The following RANBP2 variants were observed in gnomAD, a reference collection of about 807,000 sequenced individuals.
RANBP2 encodes E3 SUMO-protein ligase RanBP2.
RANBP2 carries 57 observed loss-of-function variants against 303.6 expected under a neutral mutation model. The ratio of observed to expected loss-of-function variants is 0.19; its 90% confidence interval spans 0.15 to 0.23. RANBP2 has a LOEUF of 0.23. Among genes scored for constraint, RANBP2 ranks in the 10% least tolerant of loss-of-function variants. The probability of loss-of-function intolerance (pLI) is 1.00; values close to 1 mark genes in which losing one functional copy is unlikely to be tolerated. For synonymous variants in RANBP2, 1,167 were observed against 1,301.5 expected (o/e 0.90, Z 2.23); for missense variants, 3,138 against 3,780.8 (o/e 0.83, Z 4.46).
At chr2:109,187,277 G>C in the RANBP2 span, among the ~76,000 whole-genome samples, 1 of 151,982 alleles carries the variant, frequency 6.6e-6, no homozygotes, top group African/African-American at 2.4e-5. Context: ...AAAACTCTTC[G>C]ATCTGATGTG....
chr2:108,971,099 C>G, the RANBP2 span, among the ~76,000 whole-genome samples: 47 of 152,244 alleles, frequency 3.1e-4, no homozygotes, highest in East Asian at 8.5e-3. Context: ...TTCTTCACCC[C>G]CTCCGACTCA....
At chr2:109,369,410 C>T in the RANBP2 span, among the ~76,000 whole-genome samples, 5 of 152,198 alleles carry the variant, frequency 3.3e-5, no homozygotes, top group South Asian at 2.1e-4. Context: ...GCTGGAGGGA[C>T]GCTCTGCTAA....
At chr2:108,904,230 T>C in the RANBP2 span, among the ~76,000 whole-genome samples, 1 of 151,816 alleles carries the variant, frequency 6.6e-6, no homozygotes, top group Non-Finnish European at 1.5e-5. Context: ...ATTTAAACAA[T>C]AGGAACATGC....
chr2:109,494,159 C>T, the RANBP2 span, among the ~76,000 whole-genome samples: 591 of 152,292 alleles, frequency 3.9e-3, 8 homozygotes, highest in African/African-American at 0.014. Context: ...CTTCCAGACA[C>T]CTCAATAAAA....
At chr2:109,114,055 T>G in the RANBP2 span, among the ~76,000 whole-genome samples, 2 of 152,210 alleles carry the variant, frequency 1.3e-5, no homozygotes, top group East Asian at 3.8e-4. Context: ...TATTGAGGAT[T>G]TTTGCATCAA....
At chr2:108,940,326 T>G in the RANBP2 span, 8 of 152,324 alleles carry the variant, frequency 5.3e-5, no homozygotes, top group African/African-American at 1.9e-4. Flanking sequence ...GCTCGGATGG[T>G]CTGAAGGGGA....
chr2:109,613,381 G>C, the RANBP2 span: 2 of 328,764 alleles, frequency 6.1e-6, no homozygotes, highest in African/African-American at 4.3e-5. Context: ...CAGGGGAGCC[G>C]GGCTTTCTCC....
chr2:108,857,536 A>G, the RANBP2 span, among the ~76,000 whole-genome samples: 1 of 152,168 alleles, frequency 6.6e-6, no homozygotes, highest in Non-Finnish European at 1.5e-5. Context: ...TGTTCTACCA[A>G]AGCACTGTAA....
the RANBP2 span, among the ~76,000 whole-genome samples, chr2:109,629,828 T>C: frequency 6.6e-6 from 1 of 151,040 alleles, no homozygotes; most frequent in Non-Finnish European, 1.5e-5. Flanking sequence ...AAAGAAAACG[T>C]GTATGAGTAT....
the RANBP2 span, among the ~76,000 whole-genome samples, chr2:109,223,376 T>A: frequency 6.6e-6 from 1 of 151,892 alleles, no homozygotes; most frequent in Admixed American, 6.6e-5. Flanking sequence ...GAAGCAGGAG[T>A]GGCCACTAGG....
the RANBP2 span, among the ~76,000 whole-genome samples, chr2:109,212,154 T>G: frequency 6.6e-6 from 1 of 152,146 alleles, no homozygotes; most frequent in African/African-American, 2.4e-5. Flanking sequence ...TGGCTGTGGT[T>G]TTGTTTGGCT....
the RANBP2 span, among the ~76,000 whole-genome samples, chr2:109,048,383 T>A: frequency 2.0e-5 from 3 of 152,326 alleles, no homozygotes; most frequent in East Asian, 5.8e-4. Flanking sequence ...TTTGATGCTA[T>A]CCTGGAAAAT....
the RANBP2 span, among the ~76,000 whole-genome samples, chr2:108,988,331 TCTAGGAGCCCAA>T: frequency 6.6e-6 from 1 of 152,098 alleles, no homozygotes; most frequent in Non-Finnish European, 1.5e-5. Context: ...CCGACTCCTG[TCTAGGAGCCCAA>T]CCCACCCCAC....
the RANBP2 span, among the ~76,000 whole-genome samples, chr2:109,375,279 C>A: frequency 6.6e-6 from 1 of 152,342 alleles, no homozygotes; most frequent in African/African-American, 2.4e-5. Context: ...CCTCCTTGTC[C>A]TTTTCGCCCA....
chr2:109,149,063 G>T, the RANBP2 span, among the ~76,000 whole-genome samples: 2 of 152,074 alleles, frequency 1.3e-5, no homozygotes, highest in African/African-American at 2.4e-5. Context: ...CCTTCCTTCA[G>T]AGGCTTCAAT....
chr2:109,188,533 G>C, the RANBP2 span, among the ~76,000 whole-genome samples: 18 of 152,242 alleles, frequency 1.2e-4, no homozygotes, highest in Admixed American at 6.5e-4. Flanking sequence ...CACGTTCAGA[G>C]AAGCGGCATC....
chr2:109,515,740 G>A, the RANBP2 span, among the ~76,000 whole-genome samples: 1 of 152,202 alleles, frequency 6.6e-6, no homozygotes, highest in East Asian at 1.9e-4. Flanking sequence ...CAGGAAGCAT[G>A]GCACCAGCAT....
chr2:109,001,391 A>G, the RANBP2 span, among the ~76,000 whole-genome samples: 1 of 152,210 alleles, frequency 6.6e-6, no homozygotes, highest in Admixed American at 6.5e-5. Context: ...ACACAAGAAC[A>G]GGCAAGTCCA....
the RANBP2 span, among the ~76,000 whole-genome samples, chr2:109,130,373 G>C: frequency 6.6e-6 from 1 of 152,196 alleles, no homozygotes; most frequent in African/African-American, 2.4e-5. Context: ...CCGATTCCTT[G>C]GCCGGACTTG....
Sources: gnomAD v4.1 joint callset for allele counts (sites outside exome capture counted in the v4.1 genomes callset) on GRCh38, gnomAD v4.1.1 for gene constraint, MANE v1.5 for transcripts, NCBI Gene and HGNC (gene_info 2026-07-23, HGNC 2026-07-21) for gene names.